The following KCNK9 variants were observed in gnomAD, a reference collection of about 807,000 sequenced individuals.
KCNK9 encodes potassium two pore domain channel subfamily K member 9, also known as potassium channel subfamily K member 9.
A neutral mutation model predicts 10.8 loss-of-function variants in KCNK9; 1 was observed. That is an observed-to-expected ratio of 0.09 (90% confidence interval 0.03 to 0.44). KCNK9 has a LOEUF of 0.44. Among genes scored for constraint, KCNK9 ranks in the 20% least tolerant of loss-of-function variants. The pLI is 0.97. For missense variants in KCNK9, 303 were observed against 515.0 expected (o/e 0.59, Z 3.98); for synonymous variants, 231 against 222.7 (o/e 1.04, Z -0.33).
chr8:139,694,889 G>C (rs1430491133), intron 1 of KCNK9, among the ~76,000 whole-genome samples: 1 of 152,170 alleles, frequency 6.6e-6, no homozygotes, highest in Non-Finnish European at 1.5e-5. Flanking sequence ...AGGGCTGGTT[G>C]ACCCCAAGAC....
At position 139,687,618 on chromosome 8, in the gene KCNK9, A is replaced by ATG. The variant is rs1224508792; in HGVS notation, c.283+15091_283+15092insCA. 5.4e-3 allele frequency among the ~76,000 whole-genome samples: 244 copies of ATG among 44,892 alleles called. 6 individuals carry two copies. Among genetic ancestry groups the ATG allele is most frequent in the African/African-American group, 0.015 (230 of 15,480 alleles). The allele number at this position is 44,892 out of a possible 152,430, so 29.5% of individuals were successfully genotyped here. Reference sequence around the variant, plus strand: ...TTCATATGTATACATATGTATACATATATATTCATATGTATACATATGTAT... The same window carrying ATG: ...TTCATATGTATACATATGTATACATATGTATATTCATATGTATACATATGTAT... On this transcript the variant is annotated intron_variant, in intron 1 of 1. Transcript: ENST00000520439.
chr8:139,624,532 C>A (rs1472096994), intron 1 of KCNK9, among the ~76,000 whole-genome samples: 1 of 152,184 alleles, frequency 6.6e-6, no homozygotes, highest in Admixed American at 6.5e-5. Context: ...CACCTGCCCT[C>A]CCCTGGCCTG....
chr8:139,651,912 T>C (rs1222019304), intron 1 of KCNK9, among the ~76,000 whole-genome samples: 1 of 152,128 alleles, frequency 6.6e-6, no homozygotes, highest in Non-Finnish European at 1.5e-5. Context: ...GGGTACCAAA[T>C]GCTGTGGTCC....
intron 1 of KCNK9, among the ~76,000 whole-genome samples, chr8:139,685,992 G>A (rs1816779931): frequency 1.3e-5 from 2 of 152,166 alleles, no homozygotes; most frequent in African/African-American, 4.8e-5. Context: ...GTGTGAGATG[G>A]TATCTCATCA....
downstream of KCNK9, chr8:139,617,083 T>C (rs544596163): frequency 9.2e-5 from 14 of 152,324 alleles, no homozygotes; most frequent in South Asian, 2.9e-3. Flanking sequence ...AATGTGAACT[T>C]TACCCTATTT....
intron 1 of KCNK9, among the ~76,000 whole-genome samples, chr8:139,667,762 C>T (rs1310876466): frequency 3.3e-5 from 5 of 152,040 alleles, no homozygotes; most frequent in African/African-American, 4.8e-5. Flanking sequence ...ACACCTCCAA[C>T]ATAGGAGAAC....
At chr8:139,656,512 CAGACAGA>C (rs1816026167) in intron 1 of KCNK9, among the ~76,000 whole-genome samples, 1 of 152,210 alleles carries the variant, frequency 6.6e-6, no homozygotes, top group South Asian at 2.1e-4. Flanking sequence ...CCGCCAGGTG[CAGACAGA>C]TGAGTGAGCA....
chr8:139,625,832 A>C (rs2130122614), intron 1 of KCNK9, among the ~76,000 whole-genome samples: 1 of 152,218 alleles, frequency 6.6e-6, no homozygotes, highest in South Asian at 2.1e-4. Context: ...CTCCCCGAAA[A>C]ACCAGCTGTG....
chr8:139,618,098 T>TG lies in KCNK9; in HGVS notation c.*159dup. On this transcript the variant is annotated 3_prime_UTR_variant, in exon 2 of 2. Transcript: ENST00000520439. This position sits in a 1 kb window ranked among gnomAD's most constrained non-coding sequence, Gnocchi z 7.9. ...GGCCTGCTCTGTCTGGCTGGAAAGG[T>TG]GGGGGAAAATGAGACCAAGAGACCA... The TG allele has an allele frequency of 1.0e-6, 1 of 1,000,540 alleles. No individual in the cohort carries two copies. Among genetic ancestry groups the TG allele is most frequent in the Non-Finnish European group, 1.5e-6 (1 of 685,050 alleles). 62.0% of individuals were successfully genotyped at this position (1,000,540 alleles called of 1,614,324 possible).
chr8:139,694,475 C>T (rs1053590069), intron 1 of KCNK9, among the ~76,000 whole-genome samples: 22 of 152,204 alleles, frequency 1.4e-4, no homozygotes, highest in Admixed American at 6.5e-4. Context: ...AGACGTGAGC[C>T]GCCCTGCAGG....
intron 1 of KCNK9, among the ~76,000 whole-genome samples, chr8:139,652,883 C>T (rs767926087): frequency 1.3e-4 from 20 of 152,176 alleles, no homozygotes; most frequent in African/African-American, 3.9e-4. Flanking sequence ...GGGACAGGAC[C>T]ATGGTCTCAG....
chr8:139,684,942 C>A (rs915697942), intron 1 of KCNK9, among the ~76,000 whole-genome samples: 2 of 152,134 alleles, frequency 1.3e-5, no homozygotes, highest in Non-Finnish European at 2.9e-5. Context: ...CCATTTAAGG[C>A]ATAAAAGTTA....
intron 1 of KCNK9, among the ~76,000 whole-genome samples, chr8:139,639,588 G>A (rs1563729436): frequency 6.6e-6 from 1 of 152,228 alleles, no homozygotes; most frequent in Non-Finnish European, 1.5e-5. Flanking sequence ...GCCCAGCGCT[G>A]GGGGTCTGGA....
intron 1 of KCNK9, among the ~76,000 whole-genome samples, chr8:139,671,173 C>T (rs571672354): frequency 9.3e-4 from 141 of 152,372 alleles, no homozygotes; most frequent in Non-Finnish European, 1.7e-3. Context: ...CTCCTAGAAG[C>T]TCATGTGCAG....
At chr8:139,633,759 C>G (rs902572429) in intron 1 of KCNK9, among the ~76,000 whole-genome samples, 1 of 152,246 alleles carries the variant, frequency 6.6e-6, no homozygotes, top group Non-Finnish European at 1.5e-5. Context: ...GCCTCAGTAC[C>G]TTGTGTCCTG....
intron 1 of KCNK9, among the ~76,000 whole-genome samples, chr8:139,649,123 CAT>C (rs1815778415): frequency 6.6e-6 from 1 of 152,136 alleles, no homozygotes; most frequent in African/African-American, 2.4e-5. Flanking sequence ...CCTTTTATTC[CAT>C]ATCTCAGGAA....
chr8:139,681,811 G>A (rs1253878549), intron 1 of KCNK9, among the ~76,000 whole-genome samples: 2 of 152,234 alleles, frequency 1.3e-5, no homozygotes, highest in African/African-American at 2.4e-5. Context: ...GAAAGAAGAC[G>A]TCAGTGCGTG....
At position 139,702,456 on chromosome 8, in the gene KCNK9, C is replaced by T. The variant is rs1817249051; in HGVS notation, c.283+254G>A. 6.6e-6 allele frequency among the ~76,000 whole-genome samples: 1 copy of T among 152,198 alleles called. No individual in the cohort carries two copies. The highest frequency in any genetic ancestry group is 2.1e-4 in the South Asian group (1 of 4,832). On this transcript the variant is annotated intron_variant, in intron 1 of 1. Coordinates refer to ENST00000520439, the MANE Select transcript of KCNK9 (RefSeq NM_001282534.2). The surrounding 1 kb of genome is among the most constrained non-coding windows in gnomAD (Gnocchi z 7.5). ...CGCCTCCGCCCTCCCGGCTCAGGCA[C>T]ACTCGCTCGGGGCTCGCACGCCCGG...
rs1471119854 is a variant in KCNK9, at chr8:139,655,451, T to C, written c.284-36352A>G. On this transcript the variant is annotated intron_variant, in intron 1 of 1. Transcript: ENST00000520439. Reference sequence around the variant, plus strand: ...TGACTAGGCAGATTTTCTGGAGCGCTGAGGTGGGGCTGGGGGAGGAAGGGG... The same window carrying C: ...TGACTAGGCAGATTTTCTGGAGCGCCGAGGTGGGGCTGGGGGAGGAAGGGG... Among the ~76,000 whole-genome samples the C allele has an allele frequency of 2.0e-5, 3 of 152,098 alleles. No homozygotes were observed. The East Asian group carries it at 5.8e-4, about 29-fold the overall frequency.
Sources: gnomAD v4.1 joint callset for allele counts (sites outside exome capture counted in the v4.1 genomes callset) on GRCh38, gnomAD v4.1.1 for gene constraint, Gnocchi (gnomAD v3.1) non-coding constraint, MANE v1.5 for transcripts, NCBI Gene and HGNC (gene_info 2026-07-23, HGNC 2026-07-21) for gene names.